TRAK1: variants seen among roughly 807,000 people sequenced by gnomAD.
TRAK1 encodes the protein trafficking kinesin protein 1.
In TRAK1, 33 loss-of-function variants were observed where a neutral mutation model predicts 92.1. The observed-to-expected ratio is 0.36, with a 90% confidence interval of 0.27 to 0.48. The LOEUF (loss-of-function observed/expected upper bound fraction) is 0.48, where lower values mean the gene tolerates loss of function less well. Ranked by LOEUF, TRAK1 falls within the 20% of genes least tolerant of loss-of-function variation. TRAK1 has a pLI of 0.99. For synonymous variants in TRAK1, 521 were observed against 517.3 expected (o/e 1.01, Z -0.10); for missense variants, 1,123 against 1,257.9 (o/e 0.89, Z 1.62).
intron 1 of TRAK1, among the ~76,000 whole-genome samples, chr3:42,071,476 G>A (rs552496976): frequency 7.2e-5 from 11 of 152,210 alleles, no homozygotes; most frequent in Admixed American, 7.2e-4. Flanking sequence ...GGGAGGCTGA[G>A]GTGGGCTGAT....
At chr3:42,047,978 A>T (rs1702827315) in intron 1 of TRAK1, among the ~76,000 whole-genome samples, 1 of 148,210 alleles carries the variant, frequency 6.7e-6, no homozygotes. Flanking sequence ...AAACAGTAAT[A>T]GGATGGTGAA....
At chr3:42,034,505 A>G (rs1243725472) in intron 1 of TRAK1, among the ~76,000 whole-genome samples, 1 of 151,920 alleles carries the variant, frequency 6.6e-6, no homozygotes, top group Non-Finnish European at 1.5e-5. Context: ...GTTGTCCCGG[A>G]TGGTCTAACT....
At chr3:42,105,057 G>A (rs1315825417) in intron 1 of TRAK1, among the ~76,000 whole-genome samples, 1 of 151,304 alleles carries the variant, frequency 6.6e-6, no homozygotes, top group Non-Finnish European at 1.5e-5. Context: ...CTTCAAGTGA[G>A]TCTCCTGCCT....
chr3:42,087,755 G>A (rs1445282523), upstream of TRAK1, among the ~76,000 whole-genome samples: 1 of 152,222 alleles, frequency 6.6e-6, no homozygotes, highest in African/African-American at 2.4e-5. Context: ...TTTGCACTCA[G>A]CTTCTTCAGA....
At chr3:42,172,317 C>T (rs1445007647) in intron 2 of TRAK1, among the ~76,000 whole-genome samples, 1 of 152,168 alleles carries the variant, frequency 6.6e-6, no homozygotes, top group Non-Finnish European at 1.5e-5. Flanking sequence ...CCATCTCATG[C>T]CCATCTTGAA....
intron 1 of TRAK1, among the ~76,000 whole-genome samples, chr3:42,046,643 T>C (rs1286463874): frequency 6.6e-6 from 1 of 152,198 alleles, no homozygotes; most frequent in African/African-American, 2.4e-5. Flanking sequence ...TACAGAATGC[T>C]TGGAGCCCTT....
Position 42,143,379 on chromosome 3 carries a change from A to G in TRAK1, c.286+17765A>G, listed in dbSNP as rs145298513. On this transcript the variant is annotated intron_variant, in intron 2 of 15. Coordinates refer to ENST00000327628, the MANE Select transcript of TRAK1 (RefSeq NM_001042646.3). ...ATGCTTTTTCATTCACTTATTGAGAAGTGGAAAAGGCTTAGGACGGGGATC... is the reference window on the plus strand; with the variant it reads ...ATGCTTTTTCATTCACTTATTGAGAGGTGGAAAAGGCTTAGGACGGGGATC... Among the ~76,000 whole-genome samples the G allele has an allele frequency of 5.7e-3, 853 of 150,790 alleles. 9 individuals carry two copies. The highest frequency in any genetic ancestry group is 0.019 in the African/African-American group (788 of 40,938).
intron 1 of TRAK1, among the ~76,000 whole-genome samples, chr3:42,110,094 G>GTATGTATATATATATATATATATATA (rs1553719379): frequency 1.2e-5 from 1 of 83,238 alleles, no homozygotes; most frequent in African/African-American, 5.6e-5. Context: ...AGAACTTAAA[G>GTATGTATATATATATATATATATATA]TATATATATA....
At chr3:42,016,205 G>T (rs935892267) in intron 1 of TRAK1, among the ~76,000 whole-genome samples, 16 of 146,690 alleles carry the variant, frequency 1.1e-4, no homozygotes, top group South Asian at 6.5e-4. Flanking sequence ...CTGGTTTTTT[G>T]TTTTTTTTTT....
intron 15 of TRAK1, 78 bp from the exon 16 acceptor site, chr3:42,222,863 CT>C: frequency 8.6e-6 from 13 of 1,510,912 alleles, no homozygotes; most frequent in Non-Finnish European, 1.2e-5. Flanking sequence ...CCTACCCCCC[CT>C]GCAGGAAACT....
intron 2 of TRAK1, among the ~76,000 whole-genome samples, chr3:42,166,241 G>T (rs953619858): frequency 1.3e-5 from 2 of 152,142 alleles, no homozygotes; most frequent in Admixed American, 6.5e-5. Flanking sequence ...GTTTCTTTCT[G>T]TCTAAAATGG....
intron 4 of TRAK1, 123 bp downstream of exon 4, chr3:42,184,924 C>T (rs929491356): frequency 4.7e-5 from 42 of 896,330 alleles, no homozygotes; most frequent in East Asian, 1.7e-4. Flanking sequence ...GGCACGACCG[C>T]GGCCTGAGCC....
chr3:42,179,106 C>T (rs1703638730), intron 3 of TRAK1, among the ~76,000 whole-genome samples: 1 of 152,248 alleles, frequency 6.6e-6, no homozygotes, highest in African/African-American at 2.4e-5. Flanking sequence ...GCATGAACCA[C>T]CGTACCCAGC....
At chr3:42,053,845 C>T (rs1453068346) in intron 1 of TRAK1, among the ~76,000 whole-genome samples, 2 of 152,178 alleles carry the variant, frequency 1.3e-5, no homozygotes, top group Admixed American at 1.3e-4. Context: ...ACTGCTCATC[C>T]CACACAATTG....
chr3:42,081,737 G>A (rs1704449046), intron 1 of TRAK1, among the ~76,000 whole-genome samples: 1 of 152,188 alleles, frequency 6.6e-6, no homozygotes, highest in African/African-American at 2.4e-5. Flanking sequence ...CAGATTCTGA[G>A]AATCTGGAAA....
chr3:42,181,360 A>G (rs13087057), intron 3 of TRAK1, among the ~76,000 whole-genome samples: 24,877 of 152,196 alleles, frequency 0.16, 2,214 homozygotes, highest in Non-Finnish European at 0.21. Flanking sequence ...CCTGGCCTAC[A>G]TGGTGAAACG....
intron 2 of TRAK1, among the ~76,000 whole-genome samples, chr3:42,139,419 G>A (rs1016071517): frequency 6.6e-6 from 1 of 152,162 alleles, no homozygotes; most frequent in African/African-American, 2.4e-5. Context: ...CAGTCATGAT[G>A]CCTCCACCCA....
rs1183700633 is a variant in TRAK1 at position 42,202,586 on chromosome 3, G to A, written c.1578G>A (p.Glu526=). The A allele has an allele frequency of 1.3e-6, 2 of 1,591,362 alleles. No individual in the cohort carries two copies. The highest frequency in any genetic ancestry group is 1.7e-6 in the Non-Finnish European group (2 of 1,162,920). Residue 526 remains glutamate (E), a synonymous_variant, in exon 13 of 16, where the codon GAG becomes GAA. Coordinates refer to ENST00000327628, the MANE Select transcript of TRAK1 (RefSeq NM_001042646.3). This position sits in a 1 kb window ranked among gnomAD's most constrained non-coding sequence, Gnocchi z 6.1. ...FEEEQERKLQ[E]LAEKGELRSG... ...AGGAGCAAGAGAGGAAGCTCCAGGA[G>A]CTGGCGGAGAAGGGCGAGCTGCGCA...
At chr3:42,162,606 G>A (rs956979710) in intron 2 of TRAK1, among the ~76,000 whole-genome samples, 8 of 152,196 alleles carry the variant, frequency 5.3e-5, no homozygotes, top group Non-Finnish European at 7.3e-5. Context: ...GGTGCACAGC[G>A]ATGCTGTACA....
Sources: allele counts gnomAD v4.1 joint callset (sites outside exome capture counted in the v4.1 genomes callset), GRCh38; gene constraint gnomAD v4.1.1; non-coding constraint Gnocchi (gnomAD v3.1); transcripts MANE v1.5; gene names NCBI Gene and HGNC (gene_info 2026-07-23, HGNC 2026-07-21).